HECTD4: variants seen among roughly 807,000 people sequenced by gnomAD.
HECTD4 encodes probable E3 ubiquitin-protein ligase HECTD4.
In HECTD4, 114 loss-of-function variants were observed where a neutral mutation model predicts 471.5. That is an observed-to-expected ratio of 0.24 (90% CI 0.21 to 0.28). The LOEUF (loss-of-function observed/expected upper bound fraction) is 0.28. Among genes scored for constraint, HECTD4 ranks in the 10% least tolerant of loss-of-function variants. The probability of loss-of-function intolerance (pLI) is 1.00; values close to 1 mark genes in which losing one functional copy is unlikely to be tolerated. For missense variants in HECTD4, 3,866 were observed against 5,651.5 expected (o/e 0.68, Z 10.13); for synonymous variants, 2,012 against 2,256.0 (o/e 0.89, Z 3.07).
chr12:112,292,469 C>T (rs1300939216), intron 7 of HECTD4, among the ~76,000 whole-genome samples: 1 of 152,182 alleles, frequency 6.6e-6, no homozygotes, highest in African/African-American at 2.4e-5. Context: ...TCTGTCTCCT[C>T]CACAAGAATG....
intron 1 of HECTD4, among the ~76,000 whole-genome samples, chr12:112,357,422 G>A (rs775232652): frequency 1.3e-5 from 2 of 152,144 alleles, no homozygotes; most frequent in Admixed American, 1.3e-4. Flanking sequence ...GCTACTGGGT[G>A]GGGGGCTAAG....
intron 1 of HECTD4, among the ~76,000 whole-genome samples, chr12:112,362,908 G>A (rs900968954): frequency 6.6e-6 from 1 of 152,020 alleles, no homozygotes; most frequent in African/African-American, 2.4e-5. Context: ...CACCATGTTT[G>A]CCAGGCTGGT....
At chr12:112,187,364 A>G (rs888796394) in intron 60 of HECTD4, among the ~76,000 whole-genome samples, 4 of 151,992 alleles carry the variant, frequency 2.6e-5, no homozygotes, top group African/African-American at 9.7e-5. Flanking sequence ...GACGGCAACT[A>G]TTTTCTTTGA....
At chr12:112,260,446 C>G (rs2034117875) in intron 18 of HECTD4, among the ~76,000 whole-genome samples, 1 of 152,174 alleles carries the variant, frequency 6.6e-6, no homozygotes, top group Admixed American at 6.5e-5. Flanking sequence ...GGGTAAGAAC[C>G]AAGTCCATAG....
At chr12:112,252,985 T>A (rs1301946134) in intron 22 of HECTD4, among the ~76,000 whole-genome samples, 1 of 148,720 alleles carries the variant, frequency 6.7e-6, no homozygotes, top group Non-Finnish European at 1.5e-5. Context: ...AATTTTTTTA[T>A]TTTTTTTTTG....
chr12:112,304,238 ATTTTTT>A (rs760947859), intron 7 of HECTD4, among the ~76,000 whole-genome samples: 2 of 104,398 alleles, frequency 1.9e-5, no homozygotes, highest in East Asian at 4.4e-4. Context: ...TAAAGACCTA[ATTTTTT>A]TTTTTTTTTT....
chr12:112,211,087 C>T (rs917203845), intron 49 of HECTD4, among the ~76,000 whole-genome samples: 1 of 152,148 alleles, frequency 6.6e-6, no homozygotes, highest in African/African-American at 2.4e-5. Flanking sequence ...TGCAGTAGCT[C>T]TTGCCTGTAA....
chr12:112,323,947 C>T (rs2035638514), intron 1 of HECTD4, among the ~76,000 whole-genome samples: 1 of 66,852 alleles, frequency 1.5e-5, no homozygotes, highest in East Asian at 1.0e-3. Context: ...TACTGAGGTG[C>T]TTCTTTCTTT....
chr12:112,345,179 G>A (rs558824836), intron 1 of HECTD4, among the ~76,000 whole-genome samples: 3 of 152,136 alleles, frequency 2.0e-5, no homozygotes, highest in East Asian at 1.9e-4. Context: ...CTTGAGCCTA[G>A]GAGGTTGAGG....
chr12:112,164,360 C>T (rs1025644283), intron 72 of HECTD4, 85 bp from the exon 73 acceptor site: 73 of 1,432,312 alleles, frequency 5.1e-5, no homozygotes, highest in African/African-American at 4.4e-4. Flanking sequence ...AAACCCCAAG[C>T]GCAGCTGGTG....
At chr12:112,358,586 G>A (rs1338346504) in intron 1 of HECTD4, among the ~76,000 whole-genome samples, 1 of 152,064 alleles carries the variant, frequency 6.6e-6, no homozygotes. Context: ...TTATTCAGGG[G>A]TAGTAATAAA....
chr12:112,297,551 T>A (rs1431864043), intron 7 of HECTD4, among the ~76,000 whole-genome samples: 1 of 151,440 alleles, frequency 6.6e-6, no homozygotes, highest in African/African-American at 2.4e-5. Flanking sequence ...TTGGCAGGGG[T>A]AGGGGGAGAA....
At chr12:112,259,517 C>CT (rs34854104) in intron 18 of HECTD4, among the ~76,000 whole-genome samples, 15,520 of 118,636 alleles carry the variant, frequency 0.13, 1,829 homozygotes, top group African/African-American at 0.25. Context: ...TATAAGCTGC[C>CT]TTTTTTTTTT....
chr12:112,290,312 C>A (rs2034848764), intron 7 of HECTD4, among the ~76,000 whole-genome samples: 1 of 149,032 alleles, frequency 6.7e-6, no homozygotes, highest in Non-Finnish European at 1.5e-5. Flanking sequence ...AAAGTGAGAG[C>A]TAGTCTCAAA....
intron 44 of HECTD4, among the ~76,000 whole-genome samples, chr12:112,224,051 A>G (rs2033166275): frequency 6.6e-6 from 1 of 152,100 alleles, no homozygotes; most frequent in South Asian, 2.1e-4. Flanking sequence ...CCTACTCCTC[A>G]CCTTGAATCT....
At chr12:112,345,148 G>A (rs977018012) in intron 1 of HECTD4, among the ~76,000 whole-genome samples, 10 of 152,052 alleles carry the variant, frequency 6.6e-5, no homozygotes, top group African/African-American at 2.4e-4. Context: ...AGCTACTCAG[G>A]AGGCTGAGGC....
intron 73 of HECTD4, 105 bp downstream of exon 73, chr12:112,164,004 T>G (rs2293432): frequency 0.085 from 104,246 of 1,219,422 alleles, 5,067 homozygotes; most frequent in East Asian, 0.18. Context: ...ACCTGTCACC[T>G]GACCTAGGTC....
rs1273996171 is a variant in HECTD4, at chr12:112,208,896, T to TC, written c.7868-267_7868-266insG. 8.3e-5 allele frequency among the ~76,000 whole-genome samples: 11 copies of TC among 132,568 alleles called. No homozygotes were observed. In the East Asian group the frequency reaches 2.4e-3, roughly 29 times the overall value. 87.0% of individuals were successfully genotyped at this position (132,568 alleles called of 152,430 possible). On this transcript the variant is annotated intron_variant, in intron 50 of 75. Coordinates refer to ENST00000682272, the MANE Select transcript of HECTD4 (RefSeq NM_001388303.1). ...ACTATAGATAGAACTAAACAGGCTTTTTTTTTTTTTTTTTTTTTTTTTTGA... is the reference window on the plus strand; with the variant it reads ...ACTATAGATAGAACTAAACAGGCTTTCTTTTTTTTTTTTTTTTTTTTTTTGA...
At chr12:112,167,153 TC>T in intron 72 of HECTD4, 163 bp downstream of exon 72, 1 of 578,926 alleles carries the variant, frequency 1.7e-6, no homozygotes, top group Non-Finnish European at 3.0e-6. Context: ...GAGGCCTCTG[TC>T]CCCATGAAAT....
Sources: allele counts gnomAD v4.1 joint callset (sites outside exome capture counted in the v4.1 genomes callset), GRCh38; gene constraint gnomAD v4.1.1; transcripts MANE v1.5; gene names NCBI Gene and HGNC (gene_info 2026-07-23, HGNC 2026-07-21).